Variants in ZHX2 observed in about 807,000 individuals in gnomAD.
ZHX2 encodes the protein zinc fingers and homeoboxes 2.
Under a neutral mutation model 21.9 loss-of-function variants are expected in ZHX2, and 6 were observed. That is an observed-to-expected ratio of 0.27 (90% CI 0.15 to 0.54). The LOEUF is 0.54. ZHX2 is among the 20% of genes least tolerant of loss of function. ZHX2 has a pLI of 0.95. For missense variants in ZHX2, 908 were observed against 1,090.7 expected (o/e 0.83, Z 2.36); for synonymous variants, 434 against 437.1 (o/e 0.99, Z 0.09).
At chr8:122,931,295 G>A (rs546144470) in intron 2 of ZHX2, among the ~76,000 whole-genome samples, 2 of 152,280 alleles carry the variant, frequency 1.3e-5, no homozygotes, top group Admixed American at 1.3e-4. Flanking sequence ...CGTGAGAAGG[G>A]CCAGAGTTTG....
chr8:122,871,728 C>CAA (rs35881741), intron 2 of ZHX2, among the ~76,000 whole-genome samples: 18,608 of 107,590 alleles, frequency 0.17, 2,064 homozygotes, highest in African/African-American at 0.23. Context: ...TTTCTCAGGG[C>CAA]AAAAAAAAAA....
chr8:122,824,652 C>T (rs1162029690), intron 1 of ZHX2, among the ~76,000 whole-genome samples: 3 of 152,112 alleles, frequency 2.0e-5, no homozygotes, highest in African/African-American at 4.8e-5. Flanking sequence ...AATATAGGGC[C>T]GGTCCCCTGG....
At chr8:122,789,638 G>C (rs1323091308) in intron 1 of ZHX2, among the ~76,000 whole-genome samples, 2 of 152,222 alleles carry the variant, frequency 1.3e-5, no homozygotes, top group African/African-American at 2.4e-5. Context: ...CTTTTGTGTA[G>C]GGGAGGTAAA....
In ZHX2 at chr8:122,955,993, C is replaced by T. The variant is rs571538771; in HGVS notation, c.*4+1965C>T. Among the ~76,000 whole-genome samples the T allele has an allele frequency of 8.6e-4, 130 of 152,020 alleles. 1 individual carries two copies. The Middle Eastern group carries it at 0.01, about 12-fold the overall frequency. ...CCGAGTAGCTGGGATTACAGGCATGCGCCACCCCACCCGGCTAATTTTCAT... is the reference window on the plus strand; with the variant it reads ...CCGAGTAGCTGGGATTACAGGCATGTGCCACCCCACCCGGCTAATTTTCAT... On this transcript the variant is annotated intron_variant, in intron 3 of 3. Transcript: ENST00000314393.
chr8:122,811,692 C>A (rs1817933352), intron 1 of ZHX2, among the ~76,000 whole-genome samples: 1 of 152,156 alleles, frequency 6.6e-6, no homozygotes, highest in Non-Finnish European at 1.5e-5. Flanking sequence ...GGCCTTTAGT[C>A]CACTTTCAGG....
intron 3 of ZHX2, among the ~76,000 whole-genome samples, chr8:122,970,636 C>A (rs958862651): frequency 3.9e-5 from 6 of 152,362 alleles, no homozygotes; most frequent in Non-Finnish European, 7.3e-5. Context: ...ACATCGGTAG[C>A]TGTCTTCCCG....
intron 2 of ZHX2, among the ~76,000 whole-genome samples, chr8:122,934,138 C>T (rs1279601842): frequency 1.3e-5 from 2 of 152,130 alleles, no homozygotes; most frequent in Non-Finnish European, 2.9e-5. Context: ...TCCTCACACC[C>T]CTATGAGGTG....
chr8:122,795,977 C>T (rs1457594752), intron 1 of ZHX2, among the ~76,000 whole-genome samples: 3 of 152,046 alleles, frequency 2.0e-5, no homozygotes, highest in Non-Finnish European at 2.9e-5. Context: ...TCGGGACCAG[C>T]GTGGCCAACA....
At chr8:122,877,301 G>A (rs897449928) in intron 2 of ZHX2, among the ~76,000 whole-genome samples, 4 of 152,300 alleles carry the variant, frequency 2.6e-5, no homozygotes, top group Non-Finnish European at 4.4e-5. Flanking sequence ...GTGGGCACAT[G>A]GTAAGCAGTA....
intron 1 of ZHX2, among the ~76,000 whole-genome samples, chr8:122,838,662 A>G (rs904125433): frequency 5.8e-5 from 8 of 138,380 alleles, no homozygotes; most frequent in African/African-American, 2.2e-4. Flanking sequence ...TGCAACTTCC[A>G]TCTCCCAGGT....
intron 2 of ZHX2, among the ~76,000 whole-genome samples, chr8:122,891,270 T>TTGTGTG (rs59893492): frequency 1.6e-3 from 122 of 77,712 alleles, no homozygotes; most frequent in African/African-American, 3.8e-3. Flanking sequence ...TCTTGGTAGA[T>TTGTGTG]TGTGTGTGTG....
intron 1 of ZHX2, among the ~76,000 whole-genome samples, chr8:122,813,213 GA>G (rs1817967846): frequency 7.0e-6 from 1 of 142,974 alleles, no homozygotes; most frequent in African/African-American, 2.6e-5. Flanking sequence ...AAAAAAAAAA[GA>G]AAAAAAAGAA....
intron 1 of ZHX2, chr8:122,807,606 CT>C (rs1817849378): frequency 6.6e-6 from 1 of 152,222 alleles, no homozygotes; most frequent in African/African-American, 2.4e-5. Flanking sequence ...AGGAGTGAGA[CT>C]GTGGTGGGTG....
rs17310571 is a variant in ZHX2 at position 122,942,579 on chromosome 8, C to T, written c.-219-8713C>T. ...CCCTGGGATCCCGGCTCTGCAGCTCCCTCTGGCCTCTGAACCCCCGAGGGC... is the reference window on the plus strand; with the variant it reads ...CCCTGGGATCCCGGCTCTGCAGCTCTCTCTGGCCTCTGAACCCCCGAGGGC... On this transcript the variant is annotated intron_variant, in intron 2 of 3. Coordinates refer to ENST00000314393, the MANE Select transcript of ZHX2 (RefSeq NM_014943.5). Among the ~76,000 whole-genome samples, 1,406 of 152,242 alleles carry T rather than the reference C, an allele frequency of 9.2e-3. 18 individuals carry two copies. The highest frequency in any genetic ancestry group is 0.053 in the South Asian group (253 of 4,814).
chr8:122,784,829 T>A (rs1031134881), intron 1 of ZHX2, among the ~76,000 whole-genome samples: 1 of 152,170 alleles, frequency 6.6e-6, no homozygotes, highest in Non-Finnish European at 1.5e-5. Flanking sequence ...CTTGCCCAAG[T>A]CCAAACAGCT....
At chr8:122,862,205 G>T (rs911782398) in intron 1 of ZHX2, among the ~76,000 whole-genome samples, 4 of 152,082 alleles carry the variant, frequency 2.6e-5, no homozygotes, top group Admixed American at 6.5e-5. Context: ...CCCTCCCTCA[G>T]CCACTCCCAC....
chr8:122,925,183 A>G (rs1230432881), intron 2 of ZHX2, among the ~76,000 whole-genome samples: 2 of 152,218 alleles, frequency 1.3e-5, no homozygotes, highest in African/African-American at 2.4e-5. Flanking sequence ...TTTGGATGGA[A>G]CTTGTTACAC....
chr8:122,804,957 C>T (rs1242259267), intron 1 of ZHX2, among the ~76,000 whole-genome samples: 4 of 152,174 alleles, frequency 2.6e-5, no homozygotes, highest in Non-Finnish European at 5.9e-5. Context: ...AGCATAAAAC[C>T]AGCCCCAGCC....
chr8:122,803,744 G>A (rs1294170462), intron 1 of ZHX2, among the ~76,000 whole-genome samples: 3 of 152,044 alleles, frequency 2.0e-5, no homozygotes, highest in Non-Finnish European at 4.4e-5. Context: ...TTCTGTCTTG[G>A]TCCCAGTAGT....
Sources: allele counts gnomAD v4.1 joint callset (sites outside exome capture counted in the v4.1 genomes callset), GRCh38; gene constraint gnomAD v4.1.1; transcripts MANE v1.5; gene names NCBI Gene and HGNC (gene_info 2026-07-23, HGNC 2026-07-21).